The following COMMD10 variants were observed in gnomAD, a reference collection of about 807,000 sequenced individuals.
COMMD10 encodes the protein COMM domain-containing protein 10.
A neutral mutation model predicts 28.9 loss-of-function variants in COMMD10; 33 were observed. The observed-to-expected ratio is 1.14, with a 90% CI of 0.87 to 1.53. The LOEUF (loss-of-function observed/expected upper bound fraction) is 1.53, where lower values mean the gene tolerates loss of function less well. Ranked by LOEUF, COMMD10 falls within the 40% of genes most tolerant of loss-of-function variation. The pLI is 0.00. For synonymous variants in COMMD10, 110 were observed against 81.7 expected, an observed-to-expected ratio of 1.35 and a Z score of -1.87; for missense variants, 310 against 233.4, an observed-to-expected ratio of 1.33 and a Z score of -2.14.
chr5:116,269,527 T>C (rs144412680), intron 5 of COMMD10, among the ~76,000 whole-genome samples: 4,261 of 151,980 alleles, frequency 0.028, 264 homozygotes, highest in African/African-American at 0.097. Flanking sequence ...TTAGTCCAAG[T>C]GATATTTTCA....
intron 5 of COMMD10, among the ~76,000 whole-genome samples, chr5:116,244,660 C>CAAAAAAAAAAAAAAAAAAAA (rs60360733): frequency 5.0e-5 from 4 of 79,484 alleles, no homozygotes; most frequent in African/African-American, 1.1e-4. Context: ...AAAAAAATTA[C>CAAAAAAAAAAAAAAAAAAAA]AAAAAAAAAA....
intron 5 of COMMD10, among the ~76,000 whole-genome samples, chr5:116,218,490 T>C (rs1196320022): frequency 6.6e-6 from 1 of 152,208 alleles, no homozygotes; most frequent in African/African-American, 2.4e-5. Context: ...CTGTTAAAAA[T>C]AGTTTTTCCT....
intron 5 of COMMD10, among the ~76,000 whole-genome samples, chr5:116,220,411 G>A (rs1299582385): frequency 1.2e-5 from 1 of 85,940 alleles, no homozygotes; most frequent in East Asian, 4.1e-4. Flanking sequence ...TCTTTTCCCT[G>A]TAATTCTTTC....
intron 5 of COMMD10, among the ~76,000 whole-genome samples, chr5:116,136,689 A>G (rs1752033720): frequency 6.6e-6 from 1 of 152,212 alleles, no homozygotes; most frequent in African/African-American, 2.4e-5. Flanking sequence ...TAGATGTGAA[A>G]TCTAACTCAT....
chr5:116,243,861 A>G (rs950045546), intron 5 of COMMD10, among the ~76,000 whole-genome samples: 4 of 152,158 alleles, frequency 2.6e-5, no homozygotes, highest in Non-Finnish European at 5.9e-5. Context: ...ACATCAAGGC[A>G]GTTTCAGAAA....
At chr5:116,212,142 C>T (rs982060802) in intron 5 of COMMD10, among the ~76,000 whole-genome samples, 1 of 152,060 alleles carries the variant, frequency 6.6e-6, no homozygotes, top group Non-Finnish European at 1.5e-5. Context: ...GGTTTCTGTT[C>T]CTCCTTTCAA....
chr5:116,277,531 A>G (rs748139195), intron 5 of COMMD10, among the ~76,000 whole-genome samples: 1 of 151,920 alleles, frequency 6.6e-6, no homozygotes, highest in Non-Finnish European at 1.5e-5. Flanking sequence ...ATTTGGTTCC[A>G]CAAGTGTTGG....
intron 6 of COMMD10, 36 bp downstream of exon 6, chr5:116,291,612 G>GT (rs527996443): frequency 6.9e-6 from 8 of 1,156,058 alleles, no homozygotes; most frequent in South Asian, 5.9e-5. Flanking sequence ...AATATGTGGA[G>GT]TTTTTTTCAT....
chr5:116,266,976 C>T (rs1294552530), intron 5 of COMMD10, among the ~76,000 whole-genome samples: 1 of 151,684 alleles, frequency 6.6e-6, no homozygotes, highest in African/African-American at 2.4e-5. Flanking sequence ...TATGACAGAC[C>T]CACAGCCAAT....
rs528923240 is a variant in COMMD10 at position 116,181,818 on chromosome 5, C to T, written c.510+47640C>T. ...AGTAGTAGGATATTATAAAATTGGC[C>T]AACATCTCAGCATTTCTTTAAACTT... On this transcript the variant is annotated intron_variant, in intron 5 of 6. Coordinates refer to ENST00000274458, the MANE Select transcript of COMMD10 (RefSeq NM_016144.4). Among the ~76,000 whole-genome samples, 20 of 152,046 alleles carry T rather than the reference C, an allele frequency of 1.3e-4. 1 individual carries two copies. The South Asian group carries it at 3.7e-3, about 28-fold the overall frequency.
At chr5:116,290,637 C>T (rs892203006) in intron 5 of COMMD10, among the ~76,000 whole-genome samples, 7 of 151,874 alleles carry the variant, frequency 4.6e-5, no homozygotes, top group African/African-American at 1.7e-4. Context: ...CAGTTTTCTA[C>T]TTCTTTAGTT....
intron 5 of COMMD10, among the ~76,000 whole-genome samples, chr5:116,159,823 A>T (rs1293544819): frequency 2.0e-5 from 3 of 152,236 alleles, no homozygotes; most frequent in African/African-American, 4.8e-5. Context: ...AAGGAAGAGT[A>T]TACACAATGA....
chr5:116,145,676 G>C (rs983383684), intron 5 of COMMD10, among the ~76,000 whole-genome samples: 2 of 151,838 alleles, frequency 1.3e-5, no homozygotes, highest in Admixed American at 1.3e-4. Context: ...CAATCCCCAC[G>C]TGTCAAGGGA....
chr5:116,125,506 G>A (rs1751595118), intron 4 of COMMD10, among the ~76,000 whole-genome samples: 1 of 152,056 alleles, frequency 6.6e-6, no homozygotes. Flanking sequence ...TTCAACTCTG[G>A]TGAATCTGAC....
intron 5 of COMMD10, among the ~76,000 whole-genome samples, chr5:116,267,270 G>A (rs1750612148): frequency 1.3e-5 from 2 of 151,848 alleles, no homozygotes; most frequent in Admixed American, 1.3e-4. Flanking sequence ...CAAAATCAAT[G>A]TGCAAAAATC....
chr5:116,272,724 T>TC (rs1418280423), intron 5 of COMMD10, among the ~76,000 whole-genome samples: 2 of 151,896 alleles, frequency 1.3e-5, no homozygotes, highest in Non-Finnish European at 2.9e-5. Context: ...TCTGTTCTTG[T>TC]CTGCAGTTGA....
Position 116,277,481 on chromosome 5 carries a change from A to G in COMMD10, c.511-14036A>G, listed in dbSNP as rs528964829. Among the ~76,000 whole-genome samples the G allele has an allele frequency of 3.4e-4, 51 of 152,004 alleles. 2 individuals are homozygous for G. The highest frequency in any genetic ancestry group is 1.2e-3 in the African/African-American group (49 of 41,346). On this transcript the variant is annotated intron_variant, in intron 5 of 6. Transcript: ENST00000274458. ...AGTTACTGCCTTAAATTAACCACAT[A>G]TCTTATCAAATTAGTTATTGTACCT...
intron 5 of COMMD10, among the ~76,000 whole-genome samples, chr5:116,220,251 A>G (rs572486877): frequency 6.6e-6 from 1 of 152,184 alleles, no homozygotes; most frequent in Admixed American, 6.5e-5. Flanking sequence ...CAATCTAGGT[A>G]CTGAGTTTCT....
intron 4 of COMMD10, among the ~76,000 whole-genome samples, chr5:116,123,499 A>G (rs184712537): frequency 1.2e-3 from 189 of 152,282 alleles, no homozygotes; most frequent in African/African-American, 3.8e-3. Flanking sequence ...TTTTGCATCA[A>G]TGTTCATCAG....
Sources: allele counts gnomAD v4.1 joint callset (sites outside exome capture counted in the v4.1 genomes callset), GRCh38; gene constraint gnomAD v4.1.1; transcripts MANE v1.5; gene names NCBI Gene and HGNC (gene_info 2026-07-23, HGNC 2026-07-21).